The following STUM variants were observed in gnomAD, a reference collection of about 807,000 sequenced individuals.
The protein encoded by STUM is stum, mechanosensory transduction mediator homolog.
Under a neutral mutation model 15.3 loss-of-function variants are expected in STUM, and 8 were observed. The ratio of observed to expected loss-of-function variants is 0.52; its 90% CI spans 0.31 to 0.94. The LOEUF is 0.94. Ranked by LOEUF, STUM falls within the 40% of genes least tolerant of loss-of-function variation. STUM has a pLI of 0.05. For synonymous variants in STUM, 78 were observed against 88.7 expected (o/e 0.88, Z 0.68); for missense variants, 142 against 204.9 (o/e 0.69, Z 1.87).
intron 1 of STUM, among the ~76,000 whole-genome samples, chr1:226,588,334 G>A (rs1047754836): frequency 2.0e-5 from 3 of 152,236 alleles, no homozygotes; most frequent in Non-Finnish European, 4.4e-5. Flanking sequence ...CCCACCTAGT[G>A]TGGTCTTCTT....
chr1:226,575,180 G>A (rs925001533), intron 1 of STUM, among the ~76,000 whole-genome samples: 8 of 152,310 alleles, frequency 5.3e-5, no homozygotes, highest in Non-Finnish European at 8.8e-5. Flanking sequence ...AGGAGCAGTC[G>A]CCTGACCACT....
chr1:226,590,759 C>T (rs1185025340), intron 1 of STUM, among the ~76,000 whole-genome samples: 4 of 152,206 alleles, frequency 2.6e-5, no homozygotes, highest in Non-Finnish European at 5.9e-5. Flanking sequence ...GACTGTGCAC[C>T]GCTTAGCTCC....
rs13375693 is a variant in STUM at position 226,549,771 on chromosome 1, A to C, written c.202+665A>C. 0.012 allele frequency among the ~76,000 whole-genome samples: 1,764 copies of C among 152,254 alleles called. 32 individuals are homozygous for C. The highest frequency in any genetic ancestry group is 0.04 in the African/African-American group (1,674 of 41,534). ...TGCATGTGGCCAGAGATGAACCCAT[A>C]GCTCCCTCGGATCCCTTCTGTTCCT... On this transcript the variant is annotated intron_variant, in intron 1 of 3. Coordinates refer to ENST00000366788, the MANE Select transcript of STUM (RefSeq NM_001003665.4). This position sits in a 1 kb window ranked among gnomAD's most constrained non-coding sequence, Gnocchi z 6.8.
intron 1 of STUM, among the ~76,000 whole-genome samples, chr1:226,557,625 C>T (rs1667467679): frequency 6.6e-6 from 1 of 152,190 alleles, no homozygotes. Context: ...CTTTTCTCCA[C>T]GTCCTCACCA....
chr1:226,606,016 C>A lies in STUM; in HGVS notation c.*3976C>A, dbSNP rs1223969132. The A allele has an allele frequency of 6.6e-6, 1 of 152,180 alleles. No homozygotes were observed. Among genetic ancestry groups the A allele is most frequent in the Non-Finnish European group, 1.5e-5 (1 of 68,052 alleles). The allele number at this position is 152,180 out of a possible 1,614,324, so 9.4% of individuals were successfully genotyped here. On this transcript the variant is annotated 3_prime_UTR_variant, in exon 4 of 4. Coordinates refer to ENST00000366788, the MANE Select transcript of STUM (RefSeq NM_001003665.4). Reference sequence around the variant, plus strand: ...GGGCTCGGAAGCAGTAAGGAGGATGCTACAGAAAGGAACTGCAGAAAGAAA... The same window carrying A: ...GGGCTCGGAAGCAGTAAGGAGGATGATACAGAAAGGAACTGCAGAAAGAAA...
chr1:226,563,103 T>C (rs1454139640), intron 1 of STUM, among the ~76,000 whole-genome samples: 1 of 152,226 alleles, frequency 6.6e-6, no homozygotes, highest in Admixed American at 6.5e-5. Flanking sequence ...AGACCAGAAT[T>C]CTTTGCATTA....
rs947097454 is a variant in STUM at position 226,604,471 on chromosome 1, G to C, written c.*2431G>C. 6.6e-6 allele frequency: 1 copy of C among 152,284 alleles called. No individual in the cohort carries two copies. Among genetic ancestry groups the C allele is most frequent in the Non-Finnish European group, 1.5e-5 (1 of 68,074 alleles). The allele number at this position is 152,284 out of a possible 1,614,324, so 9.4% of individuals were successfully genotyped here. A position where few individuals can be genotyped will look rare whatever the true frequency, so the allele number is the denominator to read the frequency against. ...GTGTGGGAGAAGCCAAGAGGCCCCTGCCTGTCTCCTGAATGAGGCTGTGAG... is the reference window on the plus strand; with the variant it reads ...GTGTGGGAGAAGCCAAGAGGCCCCTCCCTGTCTCCTGAATGAGGCTGTGAG... On this transcript the variant is annotated 3_prime_UTR_variant, in exon 4 of 4. Transcript: ENST00000366788. The surrounding 1 kb of genome is among the most constrained non-coding windows in gnomAD (Gnocchi z 4.7).
chr1:226,580,707 C>T (rs1667904659), intron 1 of STUM, among the ~76,000 whole-genome samples: 1 of 152,180 alleles, frequency 6.6e-6, no homozygotes, highest in South Asian at 2.1e-4. Context: ...GCTGCCCCCT[C>T]ACAGCCTTTA....
intron 1 of STUM, among the ~76,000 whole-genome samples, chr1:226,560,126 G>A (rs1667517020): frequency 1.3e-5 from 2 of 152,216 alleles, no homozygotes; most frequent in South Asian, 4.1e-4. Context: ...GTGACAGAGT[G>A]AGACTCTGTC....
At chr1:226,580,443 T>G (rs997326241) in intron 1 of STUM, among the ~76,000 whole-genome samples, 1 of 151,882 alleles carries the variant, frequency 6.6e-6, no homozygotes, top group Non-Finnish European at 1.5e-5. Context: ...GGCTGTGTGC[T>G]GGGGAGAGGA....
At chr1:226,572,794 T>C (rs981061913) in intron 1 of STUM, among the ~76,000 whole-genome samples, 7 of 152,202 alleles carry the variant, frequency 4.6e-5, no homozygotes, top group East Asian at 1.9e-4. Flanking sequence ...TCTGCAGGAA[T>C]GGCTTCCTTC....
In STUM at chr1:226,596,993, T is replaced by C. The variant is rs1325950986; in HGVS notation, c.382+12T>C. ...GGTCATCCTTGCCAGTGAGTAGCTG[T>C]TGGTGCTGCGCCTCCTGGGGGTGGG... is the stretch of plus-strand genomic sequence containing the variant. On this transcript the variant is annotated intron_variant, in intron 2 of 3. Coordinates refer to ENST00000366788, the MANE Select transcript of STUM (RefSeq NM_001003665.4). 3.1e-6 allele frequency: 5 copies of C among 1,613,686 alleles called. No individual in the cohort carries two copies. The highest frequency in any genetic ancestry group is 4.5e-5 in the East Asian group (2 of 44,892).
chr1:226,579,940 A>G (rs1410488366), intron 1 of STUM, among the ~76,000 whole-genome samples: 1 of 152,044 alleles, frequency 6.6e-6, no homozygotes, highest in African/African-American at 2.4e-5. Flanking sequence ...TTTTTATTCT[A>G]TGAGCAATGG....
rs1267849886 is a variant in STUM at position 226,565,205 on chromosome 1, C to CA, written c.202+16101dup. The stretch of plus-strand genomic sequence containing the variant: ...TACTACCCCAGCCCTCTCCGCCCAA[C>CA]AACAGCCTTCCCTCTCCCTGCCCCT... On this transcript the variant is annotated intron_variant, in intron 1 of 3. Coordinates refer to ENST00000366788, the MANE Select transcript of STUM (RefSeq NM_001003665.4). The surrounding 1 kb of genome is among the most constrained non-coding windows in gnomAD (Gnocchi z 4.4). Among the ~76,000 whole-genome samples, 2 of 152,218 alleles carry CA rather than the reference C, an allele frequency of 1.3e-5. No individual in the cohort carries two copies.
At chr1:226,572,420 A>T (rs1209636349) in intron 1 of STUM, among the ~76,000 whole-genome samples, 1 of 152,236 alleles carries the variant, frequency 6.6e-6, no homozygotes, top group Non-Finnish European at 1.5e-5. Context: ...GCTGGGCTTC[A>T]GTGGAAACCA....
chr1:226,599,343 C>A (rs548884126), intron 2 of STUM, among the ~76,000 whole-genome samples: 1 of 152,358 alleles, frequency 6.6e-6, no homozygotes, highest in East Asian at 1.9e-4. Context: ...CAACTAATCC[C>A]ACCCCCAAAG....
In STUM at chr1:226,571,626, T is replaced by A. The variant is rs575859096; in HGVS notation, c.202+22520T>A. ...CCCAGGGTTACCCCTTGGAACCTTC[T>A]CCCTTCTTCTTCTTCTTCTTTTTTT... On this transcript the variant is annotated intron_variant, in intron 1 of 3. Coordinates refer to ENST00000366788, the MANE Select transcript of STUM (RefSeq NM_001003665.4). 3.7e-4 allele frequency among the ~76,000 whole-genome samples: 57 copies of A among 152,050 alleles called. 1 individual carries two copies. Among genetic ancestry groups the A allele is most frequent in the Admixed American group, 2.9e-3 (44 of 15,278 alleles).
chr1:226,563,518 C>G (rs550068131), intron 1 of STUM, among the ~76,000 whole-genome samples: 1 of 152,204 alleles, frequency 6.6e-6, no homozygotes, highest in Non-Finnish European at 1.5e-5. Flanking sequence ...TCCAGGAGGC[C>G]GGGGTCATTG....
rs965103330 is a variant in STUM, at chr1:226,548,833, C to G, written c.-72C>G. The G allele has an allele frequency of 1.5e-5, 18 of 1,181,684 alleles. No homozygotes were observed. In the African/African-American group the frequency reaches 2.6e-4, roughly 17 times the overall value. The allele number at this position is 1,181,684 out of a possible 1,614,324, so 73.2% of individuals were successfully genotyped here. A position where few individuals can be genotyped will look rare whatever the true frequency, so the allele number is the denominator to read the frequency against. On this transcript the variant is annotated 5_prime_UTR_variant, in exon 1 of 4. Transcript: ENST00000366788. ...CGCGGAGCCCGGAGCCCGCAGCCGA[C>G]AGTCTCCTGCTCCCGTACGCTGGGC...
Sources: allele counts gnomAD v4.1 joint callset (sites outside exome capture counted in the v4.1 genomes callset), GRCh38; gene constraint gnomAD v4.1.1; non-coding constraint Gnocchi (gnomAD v3.1); transcripts MANE v1.5; gene names NCBI Gene and HGNC (gene_info 2026-07-23, HGNC 2026-07-21).